The following EDIL3 variants were observed in gnomAD, a reference collection of about 807,000 sequenced individuals.
EDIL3 encodes the protein EGF like and discoidin domains 3.
A neutral mutation model predicts 67.4 loss-of-function variants in EDIL3; 37 were observed. That is an observed-to-expected ratio of 0.55 (90% confidence interval 0.42 to 0.72). The LOEUF (loss-of-function observed/expected upper bound fraction) is 0.72, where lower values mean the gene tolerates loss of function less well. Among genes scored for constraint, EDIL3 ranks in the 30% least tolerant of loss-of-function variants. The pLI, the probability that EDIL3 is intolerant of heterozygous loss-of-function variation, is 0.00. For missense variants in EDIL3, 527 were observed against 586.3 expected (o/e 0.90, Z 1.04); for synonymous variants, 195 against 196.3 (o/e 0.99, Z 0.05).
At chr5:84,250,874 A>G (rs1320023200) in intron 2 of EDIL3, among the ~76,000 whole-genome samples, 1 of 152,230 alleles carries the variant, frequency 6.6e-6, no homozygotes, top group Non-Finnish European at 1.5e-5. Context: ...TGAAATGGAT[A>G]GAAGAAACCT....
At chr5:84,125,179 T>G (rs1255932633) in intron 5 of EDIL3, among the ~76,000 whole-genome samples, 1 of 152,022 alleles carries the variant, frequency 6.6e-6, no homozygotes, top group Non-Finnish European at 1.5e-5. Context: ...CATACAAACT[T>G]GAAAATAGTC....
chr5:84,326,094 T>C (rs1457754152), intron 1 of EDIL3, among the ~76,000 whole-genome samples: 1 of 152,050 alleles, frequency 6.6e-6, no homozygotes, highest in Non-Finnish European at 1.5e-5. Context: ...AGTTAGTTAT[T>C]GTAGGCGTAA....
At chr5:84,217,328 A>G (rs1011485236) in intron 3 of EDIL3, among the ~76,000 whole-genome samples, 3 of 152,136 alleles carry the variant, frequency 2.0e-5, no homozygotes, top group Non-Finnish European at 4.4e-5. Flanking sequence ...TGGTAAATAA[A>G]ACAGTTTGTG....
At chr5:84,051,899 A>T (rs957246655) in intron 9 of EDIL3, among the ~76,000 whole-genome samples, 1 of 152,254 alleles carries the variant, frequency 6.6e-6, no homozygotes, top group Non-Finnish European at 1.5e-5. Context: ...GATATCATCC[A>T]GGAGAACTTC....
intron 1 of EDIL3, among the ~76,000 whole-genome samples, chr5:84,366,452 G>A (rs1411425146): frequency 6.6e-6 from 1 of 152,102 alleles, no homozygotes; most frequent in Non-Finnish European, 1.5e-5. Flanking sequence ...TGAAACCTAG[G>A]AGCTTTACTT....
rs145638622 is a variant in EDIL3 at position 84,141,926 on chromosome 5, CATAT to C, written c.356-4576_356-4573del. Among the ~76,000 whole-genome samples, 47 of 124,912 alleles carry C rather than the reference CATAT, an allele frequency of 3.8e-4. 1 individual carries two copies. Among genetic ancestry groups the C allele is most frequent in the African/African-American group, 7.7e-4 (23 of 29,700 alleles). 81.9% of individuals were successfully genotyped at this position (124,912 alleles called of 152,430 possible). ...CTACTCATATATATATATATATACA[CATAT>C]ATATATATATATATATACATAGATC... On this transcript the variant is annotated intron_variant, in intron 4 of 10. Coordinates refer to ENST00000296591, the MANE Select transcript of EDIL3 (RefSeq NM_005711.5).
At chr5:84,167,603 T>C (rs1426174367) in intron 4 of EDIL3, among the ~76,000 whole-genome samples, 2 of 152,118 alleles carry the variant, frequency 1.3e-5, no homozygotes, top group South Asian at 2.1e-4. Flanking sequence ...AAACCAATAA[T>C]ACCAAGAATG....
chr5:84,014,374 C>T (rs558357126), intron 9 of EDIL3, among the ~76,000 whole-genome samples: 4 of 152,232 alleles, frequency 2.6e-5, no homozygotes, highest in South Asian at 2.1e-4. Context: ...CTGCTGGGCG[C>T]GGTGGCTCAG....
At chr5:84,197,222 AT>A (rs1743728934) in intron 3 of EDIL3, among the ~76,000 whole-genome samples, 1 of 152,048 alleles carries the variant, frequency 6.6e-6, no homozygotes, top group Non-Finnish European at 1.5e-5. Context: ...CAACTTCAAT[AT>A]TATGAAATGA....
chr5:84,058,404 T>G (rs911164551), intron 9 of EDIL3, among the ~76,000 whole-genome samples: 13 of 151,980 alleles, frequency 8.6e-5, no homozygotes, highest in Non-Finnish European at 1.2e-4. Flanking sequence ...GAAATGAATT[T>G]TTAAAGAGTA....
intron 10 of EDIL3, among the ~76,000 whole-genome samples, chr5:83,955,307 G>T (rs1744495182): frequency 6.6e-6 from 1 of 151,668 alleles, no homozygotes; most frequent in Non-Finnish European, 1.5e-5. Context: ...AGGTGATAAA[G>T]CATGTAATAA....
At chr5:84,320,468 TGGCAGCCAG>T (rs1746613478) in intron 1 of EDIL3, among the ~76,000 whole-genome samples, 1 of 151,940 alleles carries the variant, frequency 6.6e-6, no homozygotes, top group African/African-American at 2.4e-5. Context: ...TTGAGAAGTA[TGGCAGCCAG>T]CTCCAGCCCA....
chr5:84,294,075 A>G (rs1244654328), intron 1 of EDIL3, among the ~76,000 whole-genome samples: 1 of 151,952 alleles, frequency 6.6e-6, no homozygotes, highest in East Asian at 1.9e-4. Context: ...TGCATATACC[A>G]TAATGACCAT....
intron 4 of EDIL3, among the ~76,000 whole-genome samples, chr5:84,151,969 A>G (rs1346226357): frequency 6.7e-6 from 1 of 150,260 alleles, no homozygotes; most frequent in Non-Finnish European, 1.5e-5. Flanking sequence ...GCAGGAGAGC[A>G]GTGGCACGAT....
At chr5:84,019,345 T>C (rs954642910) in intron 9 of EDIL3, among the ~76,000 whole-genome samples, 3 of 147,620 alleles carry the variant, frequency 2.0e-5, no homozygotes, top group Non-Finnish European at 3.0e-5. Context: ...AATTGAACAA[T>C]GAGAACACAT....
At chr5:84,133,320 T>C (rs781019972) in intron 5 of EDIL3, among the ~76,000 whole-genome samples, 4 of 151,882 alleles carry the variant, frequency 2.6e-5, no homozygotes, top group East Asian at 3.9e-4. Context: ...CTTGAGCTTA[T>C]AACATTTAAA....
intron 2 of EDIL3, among the ~76,000 whole-genome samples, chr5:84,252,346 T>A (rs1396431296): frequency 6.6e-6 from 1 of 151,430 alleles, no homozygotes; most frequent in Non-Finnish European, 1.5e-5. Context: ...AAAAAGAAAT[T>A]AGCCGGGCGT....
At chr5:84,207,274 G>C (rs1102105) in intron 3 of EDIL3, among the ~76,000 whole-genome samples, 103,711 of 151,904 alleles carry the variant, frequency 0.68, 35,650 homozygotes, top group East Asian at 0.74. Context: ...AGAGCCAAAT[G>C]ATGAGTGAAC....
chr5:84,064,922 T>G, intron 7 of EDIL3, 78 bp from the exon 8 acceptor site: 1 of 1,434,810 alleles, frequency 7.0e-7, no homozygotes, highest in East Asian at 2.4e-5. Context: ...ATCTATACCT[T>G]ATCGAAAATA....
Sources: gnomAD v4.1 joint callset for allele counts (sites outside exome capture counted in the v4.1 genomes callset) on GRCh38, gnomAD v4.1.1 for gene constraint, MANE v1.5 for transcripts, NCBI Gene and HGNC (gene_info 2026-07-23, HGNC 2026-07-21) for gene names.